Variants in CELF2 observed in about 807,000 individuals in gnomAD.
CELF2 encodes CUG triplet repeat RNA-binding protein 2.
A neutral mutation model predicts 62.6 loss-of-function variants in CELF2; 8 were observed. The observed-to-expected ratio is 0.13, with a 90% confidence interval of 0.07 to 0.23. The LOEUF (loss-of-function observed/expected upper bound fraction) is 0.23. CELF2 is among the 10% of genes least tolerant of loss of function. The probability of loss-of-function intolerance (pLI) is 1.00; values close to 1 mark genes in which losing one functional copy is unlikely to be tolerated. For synonymous variants in CELF2, 258 were observed against 250.0 expected (o/e 1.03, Z -0.30); for missense variants, 333 against 671.0 (o/e 0.50, Z 5.56).
At chr10:11,093,023 A>G (rs138720568) in intron 1 of CELF2, among the ~76,000 whole-genome samples, 157 of 152,326 alleles carry the variant, frequency 1.0e-3, no homozygotes, top group African/African-American at 3.6e-3. Flanking sequence ...TCCACTGTGT[A>G]ATAATAGGAG....
intron 1 of CELF2, among the ~76,000 whole-genome samples, chr10:11,095,922 AAT>A (rs2049736299): frequency 1.3e-5 from 2 of 152,350 alleles, no homozygotes; most frequent in African/African-American, 4.8e-5. Flanking sequence ...TTAAAAAAAA[AAT>A]ATCCTTAGAA....
chr10:10,691,409 T>C, the CELF2 span, among the ~76,000 whole-genome samples: 1 of 146,906 alleles, frequency 6.8e-6, no homozygotes, highest in Non-Finnish European at 1.5e-5. Flanking sequence ...TCTATCATTG[T>C]TGGACATTTG....
the CELF2 span, among the ~76,000 whole-genome samples, chr10:10,585,721 G>C: frequency 1.3e-5 from 2 of 152,262 alleles, no homozygotes; most frequent in African/African-American, 2.4e-5. Context: ...TGTTTGATTA[G>C]GGGATCTTTT....
chr10:11,238,821 AT>A (rs1216094988), intron 3 of CELF2, among the ~76,000 whole-genome samples: 1 of 152,170 alleles, frequency 6.6e-6, no homozygotes, highest in Non-Finnish European at 1.5e-5. Flanking sequence ...CATAGCTGTT[AT>A]TTTTCATTCA....
the CELF2 span, among the ~76,000 whole-genome samples, chr10:10,510,422 G>A: frequency 9.2e-5 from 14 of 152,290 alleles, no homozygotes; most frequent in African/African-American, 1.4e-4. Context: ...ACTGAACAGC[G>A]GGGGAATGAG....
chr10:10,651,305 C>A, the CELF2 span, among the ~76,000 whole-genome samples: 1 of 147,912 alleles, frequency 6.8e-6, no homozygotes, highest in African/African-American at 2.5e-5. Context: ...GGGGTGCCCG[C>A]CATTGCCCAG....
At chr10:10,987,712 A>G (rs892475172) in intron 2 of CELF2, among the ~76,000 whole-genome samples, 7 of 152,162 alleles carry the variant, frequency 4.6e-5, no homozygotes, top group African/African-American at 1.7e-4. Flanking sequence ...AACGATCTCA[A>G]TAGGAACTCA....
rs1591275523 is a variant in CELF2 at position 11,311,011 on chromosome 10, C to G, written c.977-3128C>G. 1.3e-5 allele frequency among the ~76,000 whole-genome samples: 2 copies of G among 152,098 alleles called. No homozygotes were observed. Among genetic ancestry groups the G allele is most frequent in the South Asian group, 2.1e-4 (1 of 4,822 alleles). ...GAATAAATTCTAATAACTGTTCGCACAGCTTTCCCAACCATAAGGAATACA... is the reference window on the plus strand; with the variant it reads ...GAATAAATTCTAATAACTGTTCGCAGAGCTTTCCCAACCATAAGGAATACA... On this transcript the variant is annotated intron_variant, in intron 9 of 12. Coordinates refer to ENST00000633077, the MANE Select transcript of CELF2 (RefSeq NM_001326342.2). This position sits in a 1 kb window ranked among gnomAD's most constrained non-coding sequence, Gnocchi z 4.7.
rs1028209760 is a variant in CELF2, at chr10:11,157,302, T to C, written c.75-8184T>C. 6.6e-6 allele frequency among the ~76,000 whole-genome samples: 1 copy of C among 152,108 alleles called. No homozygotes were observed. The highest frequency in any genetic ancestry group is 2.4e-5 in the African/African-American group (1 of 41,408). ...CTTCCTTGTTAGAGCCGCCTTTTTCTCCCCAGTTTTTTGTTTCGTTTCAAT... is the reference window on the plus strand; with the variant it reads ...CTTCCTTGTTAGAGCCGCCTTTTTCCCCCCAGTTTTTTGTTTCGTTTCAAT... On this transcript the variant is annotated intron_variant, in intron 1 of 12. Transcript: ENST00000633077. The surrounding 1 kb of genome is among the most constrained non-coding windows in gnomAD (Gnocchi z 4.9).
chr10:10,546,964 G>T, the CELF2 span, among the ~76,000 whole-genome samples: 8 of 152,086 alleles, frequency 5.3e-5, no homozygotes, highest in African/African-American at 1.9e-4. Flanking sequence ...AAAATTAGCT[G>T]GGCATGGTGG....
the CELF2 span, among the ~76,000 whole-genome samples, chr10:10,488,483 A>T: frequency 3.9e-5 from 6 of 152,282 alleles, no homozygotes; most frequent in South Asian, 2.1e-4. Flanking sequence ...ACCTAGCTGT[A>T]TTGAATCTTT....
chr10:10,967,896 G>A (rs1344339215), intron 2 of CELF2, among the ~76,000 whole-genome samples: 2 of 151,388 alleles, frequency 1.3e-5, no homozygotes, highest in Non-Finnish European at 2.9e-5. Context: ...TGGGGATGCT[G>A]TAATATGAGT....
At chr10:11,079,741 G>GCCCCC (rs11333486) in intron 1 of CELF2, among the ~76,000 whole-genome samples, 1 of 110,700 alleles carries the variant, frequency 9.0e-6, no homozygotes, top group African/African-American at 3.9e-5. Context: ...GACTAATACA[G>GCCCCC]CCCCCCCCCC....
chr10:10,589,510 G>A, the CELF2 span, among the ~76,000 whole-genome samples: 1 of 152,186 alleles, frequency 6.6e-6, no homozygotes, highest in Non-Finnish European at 1.5e-5. Flanking sequence ...GGGGGACTTA[G>A]AATTTTAATT....
At chr10:11,190,348 A>G (rs576019626) in intron 2 of CELF2, among the ~76,000 whole-genome samples, 2 of 152,350 alleles carry the variant, frequency 1.3e-5, no homozygotes, top group East Asian at 3.9e-4. Context: ...ATCTTAGGCT[A>G]AAAGTAATGG....
rs530907181 is a variant in CELF2, at chr10:11,306,972, G to C, written c.977-7167G>C. 3.4e-4 allele frequency among the ~76,000 whole-genome samples: 52 copies of C among 152,314 alleles called. No individual in the cohort carries two copies. The highest frequency in any genetic ancestry group is 1.1e-3 in the African/African-American group (47 of 41,572). On this transcript the variant is annotated intron_variant, in intron 9 of 12. Transcript: ENST00000633077. The surrounding 1 kb of genome is among the most constrained non-coding windows in gnomAD (Gnocchi z 4.4). ...CCTCTCCTATGGCCCCCTGAGCTAG[G>C]CTGCCCCATGCTCATAGGCTGTGCG...
At chr10:10,925,632 T>C (rs1222936365) in intron 2 of CELF2, among the ~76,000 whole-genome samples, 1 of 152,048 alleles carries the variant, frequency 6.6e-6, no homozygotes, top group East Asian at 1.9e-4. Flanking sequence ...CTAGTTCTGA[T>C]CAGAGGCAGT....
chr10:10,677,520 A>G, the CELF2 span, among the ~76,000 whole-genome samples: 5 of 152,352 alleles, frequency 3.3e-5, no homozygotes, highest in East Asian at 7.7e-4. Flanking sequence ...TGGGGCCCCA[A>G]TACTGAATAT....
At chr10:11,059,777 C>T in intron 1 of CELF2, among the ~76,000 whole-genome samples, 1 of 152,146 alleles carries the variant, frequency 6.6e-6, no homozygotes, top group East Asian at 1.9e-4. Context: ...CTTAAGGAAA[C>T]TTAGCTGGTG....
Sources: allele counts gnomAD v4.1 joint callset (sites outside exome capture counted in the v4.1 genomes callset), GRCh38; gene constraint gnomAD v4.1.1; non-coding constraint Gnocchi (gnomAD v3.1); transcripts MANE v1.5; gene names NCBI Gene and HGNC (gene_info 2026-07-23, HGNC 2026-07-21).